The following CACNA1D variants were observed in gnomAD, a reference collection of about 807,000 sequenced individuals.
The protein encoded by CACNA1D is voltage-dependent L-type calcium channel subunit alpha-1D.
A neutral mutation model predicts 257.1 loss-of-function variants in CACNA1D; 55 were observed. The ratio of observed to expected loss-of-function variants is 0.21; its 90% confidence interval spans 0.17 to 0.27. The LOEUF (loss-of-function observed/expected upper bound fraction) is 0.27. Among genes scored for constraint, CACNA1D ranks in the 10% least tolerant of loss-of-function variants. The pLI is 1.00. For synonymous variants in CACNA1D, 980 were observed against 1,014.9 expected, an observed-to-expected ratio of 0.97 and a Z score of 0.65; for missense variants, 1,876 against 2,784.0, an observed-to-expected ratio of 0.67 and a Z score of 7.34.
intron 3 of CACNA1D, among the ~76,000 whole-genome samples, chr3:53,524,428 A>G (rs1042128350): frequency 2.6e-5 from 4 of 152,278 alleles, no homozygotes; most frequent in Admixed American, 6.5e-5. Flanking sequence ...CTGTGCCAAC[A>G]CACAAAACTA....
At chr3:53,706,883 T>C (rs969262014) in intron 9 of CACNA1D, among the ~76,000 whole-genome samples, 3 of 152,182 alleles carry the variant, frequency 2.0e-5, no homozygotes, top group African/African-American at 7.2e-5. Flanking sequence ...GTATTTGACT[T>C]TCCTAAACAT....
chr3:53,765,764 G>T (rs139997509), intron 30 of CACNA1D: 1 of 152,208 alleles, frequency 6.6e-6, no homozygotes, highest in Non-Finnish European at 1.5e-5. Context: ...AACGTTTTGG[G>T]TAGTCCTTTG....
At chr3:53,625,835 A>G (rs1165855470) in intron 3 of CACNA1D, among the ~76,000 whole-genome samples, 3 of 152,136 alleles carry the variant, frequency 2.0e-5, no homozygotes, top group African/African-American at 7.2e-5. Context: ...TGGTTGGGTG[A>G]GTGGGCCAGC....
chr3:53,582,187 A>G (rs2107754309), intron 3 of CACNA1D, among the ~76,000 whole-genome samples: 1 of 151,734 alleles, frequency 6.6e-6, no homozygotes, highest in East Asian at 1.9e-4. Flanking sequence ...TTCTTGCCTC[A>G]TGCTCTCACC....
chr3:53,751,732 C>G lies in CACNA1D; in HGVS notation c.3517-17C>G. The stretch of plus-strand genomic sequence containing the variant: ...AAGTGCTCAGAACCCCGTTTCTGCC[C>G]TTTTCTGCTGTTGCAGCGTCAGTGT... On this transcript the variant is annotated splice_polypyrimidine_tract_variant and intron_variant, in intron 27 of 47. Transcript: ENST00000350061. This position sits in a 1 kb window ranked among gnomAD's most constrained non-coding sequence, Gnocchi z 4.3. 6.2e-7 allele frequency: 1 copy of G among 1,614,172 alleles called. No individual in the cohort carries two copies. The highest frequency in any genetic ancestry group is 1.1e-5 in the South Asian group (1 of 91,080).
intron 8 of CACNA1D, among the ~76,000 whole-genome samples, chr3:53,687,721 C>G (rs937309567): frequency 1.3e-5 from 2 of 152,174 alleles, no homozygotes; most frequent in South Asian, 2.1e-4. Context: ...ACAACACTTA[C>G]ATCTGTGTAT....
chr3:53,693,256 T>A (rs1040328993), intron 8 of CACNA1D, among the ~76,000 whole-genome samples: 5 of 152,124 alleles, frequency 3.3e-5, no homozygotes, highest in Non-Finnish European at 5.9e-5. Context: ...GGAGCAGGTC[T>A]TATTTATGGG....
chr3:53,718,194 C>T (rs916225047), intron 9 of CACNA1D, 107 bp from the exon 10 acceptor site: 42 of 935,106 alleles, frequency 4.5e-5, no homozygotes, highest in Non-Finnish European at 6.7e-5. Context: ...TTTCACCCTC[C>T]TCCTGGGTTC....
intron 3 of CACNA1D, among the ~76,000 whole-genome samples, chr3:53,547,745 T>C (rs1254839744): frequency 6.6e-6 from 1 of 152,218 alleles, no homozygotes; most frequent in African/African-American, 2.4e-5. Flanking sequence ...CTGACTGTCA[T>C]GACCCAACCA....
intron 8 of CACNA1D, among the ~76,000 whole-genome samples, chr3:53,691,915 ATATATAT>A (rs1559523534): frequency 2.5e-5 from 2 of 78,576 alleles, no homozygotes; most frequent in Admixed American, 1.8e-4. Context: ...ATTATATATA[ATATATAT>A]TATATATATT....
chr3:53,769,882 C>A, intron 30 of CACNA1D, 91 bp from the exon 31 acceptor site: 2 of 1,003,594 alleles, frequency 2.0e-6, no homozygotes, highest in East Asian at 2.4e-5. Context: ...AAGATGGGAA[C>A]CACACATTTT....
At chr3:53,802,125 A>G (rs1012690051) in intron 42 of CACNA1D, 22 bp from the exon 43 acceptor site, 2 of 1,593,488 alleles carry the variant, frequency 1.3e-6, no homozygotes, top group Admixed American at 1.7e-5. Context: ...CCTCCTTCCC[A>G]TGTTATGCCT....
intron 27 of CACNA1D, 81 bp downstream of exon 27, chr3:53,749,550 C>G (rs1359031122): frequency 1.4e-5 from 14 of 989,840 alleles, no homozygotes; most frequent in Admixed American, 3.5e-5. Context: ...TCCCCCATAC[C>G]CAGAGAAGGG....
intron 3 of CACNA1D, among the ~76,000 whole-genome samples, chr3:53,580,258 A>G (rs920560498): frequency 8.5e-5 from 13 of 152,198 alleles, no homozygotes; most frequent in African/African-American, 2.7e-4. Flanking sequence ...AAAAGAATCA[A>G]GAGTTTTTCT....
intron 8 of CACNA1D, among the ~76,000 whole-genome samples, chr3:53,677,253 C>T (rs1344548701): frequency 6.6e-6 from 1 of 152,148 alleles, no homozygotes; most frequent in African/African-American, 2.4e-5. Flanking sequence ...ACGCCCTAGG[C>T]TCCCAGGATG....
At chr3:53,635,125 C>G (rs564422673) in intron 3 of CACNA1D, among the ~76,000 whole-genome samples, 107 of 152,348 alleles carry the variant, frequency 7.0e-4, no homozygotes, top group Admixed American at 4.0e-3. Flanking sequence ...GGAACCCTCC[C>G]CCGATTTCAC....
chr3:53,764,198 A>T (rs1320031172), intron 30 of CACNA1D, among the ~76,000 whole-genome samples: 1 of 152,258 alleles, frequency 6.6e-6, no homozygotes, highest in Non-Finnish European at 1.5e-5. Context: ...CCATTCAGAT[A>T]TGTAAATGAT....
At chr3:53,749,698 G>T (rs1205805569) in intron 27 of CACNA1D, among the ~76,000 whole-genome samples, 1 of 152,250 alleles carries the variant, frequency 6.6e-6, no homozygotes, top group Non-Finnish European at 1.5e-5. Flanking sequence ...GCCAGACCTG[G>T]TGGTATGAAA....
At chr3:53,738,929 G>A (rs2095086414) in intron 20 of CACNA1D, among the ~76,000 whole-genome samples, 1 of 151,790 alleles carries the variant, frequency 6.6e-6, no homozygotes, top group South Asian at 2.1e-4. Flanking sequence ...AAGGAGTAAG[G>A]AAAAGTTGGC....
Sources: gnomAD v4.1 joint callset for allele counts (sites outside exome capture counted in the v4.1 genomes callset) on GRCh38, gnomAD v4.1.1 for gene constraint, Gnocchi (gnomAD v3.1) non-coding constraint, MANE v1.5 for transcripts, NCBI Gene and HGNC (gene_info 2026-07-23, HGNC 2026-07-21) for gene names.